The following PCGF5 variants were observed in gnomAD, a reference collection of about 807,000 sequenced individuals.
The protein encoded by PCGF5 is polycomb group RING finger protein 5.
In PCGF5, 9 loss-of-function variants were observed where a neutral mutation model predicts 44.3. That is an observed-to-expected ratio of 0.20 (90% confidence interval 0.12 to 0.35). PCGF5 has a LOEUF of 0.35. PCGF5 is among the 10% of genes least tolerant of loss of function. The pLI is 1.00. For missense variants in PCGF5, 146 were observed against 305.3 expected (o/e 0.48, Z 3.89); for synonymous variants, 95 against 102.5 (o/e 0.93, Z 0.44).
intron 1 of PCGF5, among the ~76,000 whole-genome samples, chr10:91,173,053 G>A (rs1381528334): frequency 1.3e-5 from 2 of 152,180 alleles, no homozygotes; most frequent in Non-Finnish European, 2.9e-5. Flanking sequence ...CTCATCTGTA[G>A]TGTAGGAAAA....
intron 7 of PCGF5, 143 bp from the exon 8 acceptor site, chr10:91,264,288 A>C (rs1379437594): frequency 4.8e-6 from 3 of 620,198 alleles, no homozygotes; most frequent in Non-Finnish European, 8.2e-6. Flanking sequence ...TTAATGCTTT[A>C]GGAGAATAAA....
chr10:91,166,558 T>G (rs12261600), intron 1 of PCGF5, among the ~76,000 whole-genome samples: 45,608 of 151,936 alleles, frequency 0.3, 9,640 homozygotes, highest in African/African-American at 0.61. Context: ...TTTTTTAAAG[T>G]CTTAAAACTT....
chr10:91,187,417 C>T (rs996074125), intron 1 of PCGF5, among the ~76,000 whole-genome samples: 1 of 151,958 alleles, frequency 6.6e-6, no homozygotes, highest in Non-Finnish European at 1.5e-5. Context: ...TTTGTGGATA[C>T]AGTCCATAGA....
At chr10:91,247,514 A>C (rs1240616851) in intron 3 of PCGF5, among the ~76,000 whole-genome samples, 1 of 151,674 alleles carries the variant, frequency 6.6e-6, no homozygotes, top group East Asian at 1.9e-4. Context: ...TTTTTTTAAG[A>C]TGTGAGAAAC....
At chr10:91,223,643 C>G (rs889254843) in intron 2 of PCGF5, among the ~76,000 whole-genome samples, 3 of 152,198 alleles carry the variant, frequency 2.0e-5, no homozygotes, top group African/African-American at 4.8e-5. Flanking sequence ...ATTACACATA[C>G]TCTTTGTGTT....
intron 9 of PCGF5, among the ~76,000 whole-genome samples, chr10:91,273,615 C>A (rs977028638): frequency 4.6e-5 from 7 of 152,030 alleles, no homozygotes; most frequent in Admixed American, 6.6e-5. Flanking sequence ...GTTCTGAATT[C>A]TCTCTAATTT....
At chr10:91,244,701 T>A (rs1405629968) in intron 3 of PCGF5, among the ~76,000 whole-genome samples, 1 of 152,154 alleles carries the variant, frequency 6.6e-6, no homozygotes, top group East Asian at 1.9e-4. Flanking sequence ...ATGCTCATAT[T>A]CTGAATATAT....
intron 6 of PCGF5, among the ~76,000 whole-genome samples, chr10:91,255,727 C>G (rs970028876): frequency 6.6e-6 from 1 of 151,980 alleles, no homozygotes; most frequent in African/African-American, 2.4e-5. Context: ...TTTAAAATGT[C>G]TAGTTTCAAC....
At chr10:91,223,078 C>T in intron 2 of PCGF5, 95 bp downstream of exon 2, 1 of 797,490 alleles carries the variant, frequency 1.3e-6, no homozygotes, top group Non-Finnish European at 2.1e-6. Flanking sequence ...TATGTTGTAA[C>T]TTTTAAGAAA....
Position 91,280,961 on chromosome 10 carries a change from T to G in PCGF5, c.*2645T>G, listed in dbSNP as rs1242239519. ...ATCTGTTGTTTCTTAAGCAATAAAC[T>G]GAAAGACCTTTACTTCCATAAAAGA... On this transcript the variant is annotated 3_prime_UTR_variant, in exon 10 of 10. Coordinates refer to ENST00000336126, the MANE Select transcript of PCGF5 (RefSeq NM_032373.5). The G allele has an allele frequency of 6.6e-6, 1 of 152,610 alleles. No homozygotes were observed. The highest frequency in any genetic ancestry group is 1.5e-5 in the Non-Finnish European group (1 of 67,886). 9.5% of individuals were successfully genotyped at this position (152,610 alleles called of 1,614,324 possible).
rs987989804 is a variant in PCGF5, at chr10:91,284,011, G to A, written c.*5695G>A. 4.6e-5 allele frequency: 7 copies of A among 152,566 alleles called. No individual in the cohort carries two copies. The highest frequency in any genetic ancestry group is 3.9e-4 in the Admixed American group (6 of 15,276). The allele number at this position is 152,566 out of a possible 1,614,324, so 9.5% of individuals were successfully genotyped here. ...ATATATGTATTTTTGTAAAGGAAAAGCACTTGTAGATATTTAATCAGTACA... is the reference window on the plus strand; with the variant it reads ...ATATATGTATTTTTGTAAAGGAAAAACACTTGTAGATATTTAATCAGTACA... On this transcript the variant is annotated 3_prime_UTR_variant, in exon 10 of 10. Coordinates refer to ENST00000336126, the MANE Select transcript of PCGF5 (RefSeq NM_032373.5).
chr10:91,277,166 C>T (rs761944574), intron 9 of PCGF5, among the ~76,000 whole-genome samples: 1 of 152,188 alleles, frequency 6.6e-6, no homozygotes, highest in Non-Finnish European at 1.5e-5. Context: ...CCATCCTGAG[C>T]TGAATGGTTA....
intron 1 of PCGF5, among the ~76,000 whole-genome samples, chr10:91,198,393 T>C (rs1041693531): frequency 6.6e-6 from 1 of 152,194 alleles, no homozygotes; most frequent in African/African-American, 2.4e-5. Flanking sequence ...TAAGACCAAC[T>C]TCCTTACCTG....
chr10:91,164,245 TG>T (rs563482264), intron 1 of PCGF5, among the ~76,000 whole-genome samples: 3 of 151,554 alleles, frequency 2.0e-5, no homozygotes, highest in Middle Eastern at 6.8e-3. Flanking sequence ...CAATAACTTG[TG>T]GGGGGGTCAG....
chr10:91,186,373 C>G (rs570641767), intron 1 of PCGF5, among the ~76,000 whole-genome samples: 8 of 152,128 alleles, frequency 5.3e-5, no homozygotes, highest in Non-Finnish European at 1.0e-4. Flanking sequence ...GATTAGCAAG[C>G]AAGAGATGAA....
upstream of PCGF5, among the ~76,000 whole-genome samples, chr10:91,158,832 C>CT (rs572405462): frequency 1.2e-4 from 19 of 152,284 alleles, 1 homozygote; most frequent in East Asian, 3.7e-3. Context: ...ATTTGAATAT[C>CT]TTTAACTCAA....
intron 6 of PCGF5, among the ~76,000 whole-genome samples, chr10:91,260,760 T>C (rs1462738269): frequency 7.7e-6 from 1 of 130,530 alleles, no homozygotes; most frequent in African/African-American, 2.9e-5. Context: ...AATTGAACAA[T>C]GAGAACACAT....
At chr10:91,194,972 A>G (rs970385107) in intron 1 of PCGF5, among the ~76,000 whole-genome samples, 11 of 152,296 alleles carry the variant, frequency 7.2e-5, no homozygotes, top group African/African-American at 4.8e-5. Context: ...GTGATTCACT[A>G]TGGTGAAAGC....
intron 2 of PCGF5, among the ~76,000 whole-genome samples, chr10:91,230,879 T>G (rs1372746046): frequency 6.6e-6 from 1 of 152,138 alleles, no homozygotes; most frequent in Non-Finnish European, 1.5e-5. Context: ...TGCCTTGACC[T>G]CCCAAAGTGC....
Sources: allele counts gnomAD v4.1 joint callset (sites outside exome capture counted in the v4.1 genomes callset), GRCh38; gene constraint gnomAD v4.1.1; transcripts MANE v1.5; gene names NCBI Gene and HGNC (gene_info 2026-07-23, HGNC 2026-07-21).